The following R3HDM2 variants were observed in gnomAD, a reference collection of about 807,000 sequenced individuals.
R3HDM2 encodes R3H domain-containing protein 2.
A neutral mutation model predicts 124.5 loss-of-function variants in R3HDM2; 38 were observed. The ratio of observed to expected loss-of-function variants is 0.31; its 90% CI spans 0.24 to 0.40. The LOEUF is 0.40. Ranked by LOEUF, R3HDM2 falls within the 10% of genes least tolerant of loss-of-function variation. The pLI, the probability that R3HDM2 is intolerant of heterozygous loss-of-function variation, is 1.00. For synonymous variants in R3HDM2, 391 were observed against 448.0 expected, an observed-to-expected ratio of 0.87 and a Z score of 1.61; for missense variants, 869 against 1,236.9, an observed-to-expected ratio of 0.70 and a Z score of 4.46.
chr12:57,336,756 C>T (rs1220905559), intron 2 of R3HDM2, among the ~76,000 whole-genome samples: 2 of 151,040 alleles, frequency 1.3e-5, no homozygotes, highest in Non-Finnish European at 2.9e-5. Context: ...TATAACAAAC[C>T]CCTGTGATAC....
At chr12:57,319,733 G>A (rs181154647) in intron 2 of R3HDM2, among the ~76,000 whole-genome samples, 2 of 152,222 alleles carry the variant, frequency 1.3e-5, no homozygotes, top group East Asian at 1.9e-4. Flanking sequence ...AGGCAGAGGC[G>A]AGTAATGAGG....
intron 1 of R3HDM2, chr12:57,430,429 TG>T (rs1330920915): frequency 2.6e-6 from 2 of 782,286 alleles, no homozygotes; most frequent in East Asian, 2.5e-4. Flanking sequence ...CCCGAAGCAC[TG>T]GAAGGGCGCA....
chr12:57,370,405 G>T (rs563892986), intron 2 of R3HDM2, among the ~76,000 whole-genome samples: 3 of 133,282 alleles, frequency 2.3e-5, no homozygotes, highest in Non-Finnish European at 3.3e-5. Context: ...CCCGGGGGGG[G>T]GGGGCGGGGT....
chr12:57,312,123 A>T (rs554675686), intron 2 of R3HDM2, among the ~76,000 whole-genome samples: 3 of 152,182 alleles, frequency 2.0e-5, no homozygotes, highest in South Asian at 4.1e-4. Flanking sequence ...TAGCCCTAGA[A>T]ATGGAATTAA....
At chr12:57,306,854 A>G (rs1369487780) in intron 3 of R3HDM2, among the ~76,000 whole-genome samples, 1 of 152,116 alleles carries the variant, frequency 6.6e-6, no homozygotes, top group Non-Finnish European at 1.5e-5. Context: ...GCCTCTACTA[A>G]AAATACAAAA....
chr12:57,258,049 G>C lies in R3HDM2; in HGVS notation c.2390C>G (p.Thr797Arg). 6.2e-7 allele frequency: 1 copy of C among 1,601,788 alleles called. No individual in the cohort carries two copies. The highest frequency in any genetic ancestry group is 1.1e-5 in the South Asian group (1 of 89,386). The change falls in exon 21 of 24, where the codon ACA becomes AGA. Residue 797 changes from threonine (T) to arginine (R), a missense_variant. By Grantham distance (71) the Thr-to-Arg change is moderately conservative (BLOSUM62 -1). Transcript: ENST00000402412. ...SPVTSLSSVC[T>R]GLSPLPVLTQ... Reference sequence around the variant, plus strand: ...GAGGACAGGCAGGGGACTGAGTCCTGTGCAGACACTGCTGAGGCTGGTGAC... The same window carrying C: ...GAGGACAGGCAGGGGACTGAGTCCTCTGCAGACACTGCTGAGGCTGGTGAC...
rs141887603 is a variant in R3HDM2 at position 57,426,953 on chromosome 12, T to C, written c.-106+3767A>G. Among the ~76,000 whole-genome samples, 1,005 of 152,296 alleles carry C rather than the reference T, an allele frequency of 6.6e-3. 8 individuals carry two copies. Among genetic ancestry groups the C allele is most frequent in the Non-Finnish European group, 0.011 (740 of 68,024 alleles). ...TCAATAAATCTGTTGTGCACTTTAC[T>C]GAACATCAAGTGCTGTGCTAAGTGC... is the stretch of plus-strand genomic sequence containing the variant. On this transcript the variant is annotated intron_variant, in intron 1 of 23. Transcript: ENST00000402412.
chr12:57,254,942 C>T lies in R3HDM2; in HGVS notation c.2804G>A (p.Gly935Asp). The change falls in exon 24 of 24, where the codon GGC (glycine) becomes GAC (aspartate). Residue 935 changes from glycine to aspartate, a missense_variant. Coordinates refer to ENST00000402412, the MANE Select transcript of R3HDM2 (RefSeq NM_001394031.1). ...GGDNSGTAENGRHSDLAALYT... is the reference protein window; with the variant it reads ...GGDNSGTAENDRHSDLAALYT... ...CAAGGCAGCGAGGTCCGAGTGGCGG[C>T]CATTCTCAGCAGTCCCACTGTTGTC... 6 of 1,613,946 alleles carry T rather than the reference C, an allele frequency of 3.7e-6. No individual in the cohort carries two copies. Among genetic ancestry groups the T allele is most frequent in the Non-Finnish European group, 5.1e-6 (6 of 1,179,908 alleles).
chr12:57,332,330 G>A (rs924281618), intron 2 of R3HDM2, among the ~76,000 whole-genome samples: 7 of 140,642 alleles, frequency 5.0e-5, no homozygotes, highest in Admixed American at 7.8e-5. Flanking sequence ...TAAGAGGATC[G>A]CTTGAGCCTG....
At chr12:57,317,974 C>T (rs1231420622) in intron 2 of R3HDM2, among the ~76,000 whole-genome samples, 34 of 134,328 alleles carry the variant, frequency 2.5e-4, no homozygotes, top group African/African-American at 8.7e-4. Context: ...AGCGAGACTC[C>T]GTCCCCGCCC....
In R3HDM2 at chr12:57,254,021, G is replaced by C; in HGVS notation, c.*752C>G. 1 of 400,454 alleles carries C rather than the reference G, an allele frequency of 2.5e-6. No individual in the cohort carries two copies. Among genetic ancestry groups the C allele is most frequent in the South Asian group, 1.8e-5 (1 of 54,160 alleles). The allele number at this position is 400,454 out of a possible 1,614,324, so 24.8% of individuals were successfully genotyped here. ...AGGAAGACAAGATGGGGAAGTGAGA[G>C]AATGGGGCAATCAATTTTGTTTATC... On this transcript the variant is annotated 3_prime_UTR_variant, in exon 24 of 24. Transcript: ENST00000402412.
chr12:57,386,475 ACTTCTT>A (rs2065811966), intron 2 of R3HDM2, among the ~76,000 whole-genome samples: 2 of 152,186 alleles, frequency 1.3e-5, no homozygotes, highest in Non-Finnish European at 2.9e-5. Context: ...GCTGTGCTCG[ACTTCTT>A]GCCGGGCCTT....
chr12:57,360,679 G>T (rs768150125), intron 2 of R3HDM2, among the ~76,000 whole-genome samples: 21 of 151,506 alleles, frequency 1.4e-4, no homozygotes, highest in Non-Finnish European at 2.5e-4. Context: ...AAGGAAAAAG[G>T]AAAGGCGAAA....
At chr12:57,269,127 G>A (rs765054516) in intron 16 of R3HDM2, 45 bp from the exon 17 acceptor site, 3 of 1,603,556 alleles carry the variant, frequency 1.9e-6, no homozygotes, top group South Asian at 1.1e-5. Flanking sequence ...GAATGTTTAG[G>A]AGGTCACACT....
Position 57,310,231 on chromosome 12 carries a change from A to G in R3HDM2, c.165+33T>C, listed in dbSNP as rs554215673. 581 of 1,452,382 alleles carry G rather than the reference A, an allele frequency of 4.0e-4. 2 individuals are homozygous for G. The African/African-American group carries it at 7.6e-3, about 19-fold the overall frequency. 90.0% of individuals were successfully genotyped at this position (1,452,382 alleles called of 1,614,324 possible). On this transcript the variant is annotated intron_variant, in intron 3 of 23. Coordinates refer to ENST00000402412, the MANE Select transcript of R3HDM2 (RefSeq NM_001394031.1). ...AACCCTGTCTCTAAAGGAAAAAAAA[A>G]AAGTGTGCATACAATGCATTTCCAA...
chr12:57,428,191 A>G (rs1868391320), intron 1 of R3HDM2, among the ~76,000 whole-genome samples: 1 of 151,984 alleles, frequency 6.6e-6, no homozygotes, highest in Non-Finnish European at 1.5e-5. Flanking sequence ...ATGCTCTTAC[A>G]CAGCTTTGTA....
chr12:57,403,703 TTG>T (rs2068257915), intron 1 of R3HDM2, among the ~76,000 whole-genome samples: 2 of 151,436 alleles, frequency 1.3e-5, no homozygotes, highest in African/African-American at 4.9e-5. Flanking sequence ...CCAGCTCAAC[TTG>T]TGAGGCTGAG....
intron 1 of R3HDM2, among the ~76,000 whole-genome samples, chr12:57,429,016 C>G (rs11172211): frequency 0.45 from 68,655 of 151,902 alleles, 16,093 homozygotes; most frequent in South Asian, 0.52. Context: ...CAAAGTGCTG[C>G]GATTACAGCA....
intron 2 of R3HDM2, among the ~76,000 whole-genome samples, chr12:57,343,290 A>G (rs866200574): frequency 1.3e-5 from 2 of 151,290 alleles, no homozygotes; most frequent in Non-Finnish European, 1.5e-5. Flanking sequence ...TCCCGGTTCA[A>G]GCGGTTCTCC....
Sources: allele counts gnomAD v4.1 joint callset (sites outside exome capture counted in the v4.1 genomes callset), GRCh38; gene constraint gnomAD v4.1.1; transcripts MANE v1.5; gene names NCBI Gene and HGNC (gene_info 2026-07-23, HGNC 2026-07-21).